MARCHF10: variants seen among roughly 807,000 people sequenced by gnomAD.
MARCHF10 encodes membrane associated ring-CH-type finger 10, also known as probable E3 ubiquitin-protein ligase MARCHF10.
MARCHF10 carries 64 observed loss-of-function variants against 76.2 expected under a neutral mutation model. The ratio of observed to expected loss-of-function variants is 0.84; its 90% CI spans 0.69 to 1.03. MARCHF10 has a LOEUF of 1.03. MARCHF10 is among the 50% of genes least tolerant of loss of function. The pLI is 0.00. For synonymous variants in MARCHF10, 340 were observed against 357.5 expected, an observed-to-expected ratio of 0.95 and a Z score of 0.55; for missense variants, 875 against 958.0, an observed-to-expected ratio of 0.91 and a Z score of 1.14.
rs751788498 is a variant in MARCHF10 at position 62,801,638 on chromosome 17, G to A, written c.90+8C>T. The A allele has an allele frequency of 3.7e-6, 6 of 1,611,508 alleles. No individual in the cohort carries two copies. The highest frequency in any genetic ancestry group is 4.2e-6 in the Non-Finnish European group (5 of 1,177,750). Reference sequence around the variant, plus strand: ...AGGCAGAAGACCATTCTTGCTTTCTGCAATTACCTGATACTCAGAGTCCAC... The same window carrying A: ...AGGCAGAAGACCATTCTTGCTTTCTACAATTACCTGATACTCAGAGTCCAC... On this transcript the variant is annotated splice_region_variant and intron_variant, in intron 2 of 10. Transcript: ENST00000311269.
chr17:62,749,179 C>A (rs2091811942), intron 4 of MARCHF10, among the ~76,000 whole-genome samples: 1 of 147,748 alleles, frequency 6.8e-6, no homozygotes, highest in Admixed American at 6.8e-5. Flanking sequence ...TGATTGTCGA[C>A]TGAAGACTTC....
intron 8 of MARCHF10, among the ~76,000 whole-genome samples, chr17:62,716,072 G>A (rs2090180049): frequency 6.6e-6 from 1 of 152,202 alleles, no homozygotes; most frequent in Non-Finnish European, 1.5e-5. Flanking sequence ...TCCTTCCGCT[G>A]TTAAACATCT....
chr17:62,744,660 A>G, intron 4 of MARCHF10, 132 bp from the exon 5 acceptor site: 1 of 883,500 alleles, frequency 1.1e-6, no homozygotes, highest in Non-Finnish European at 1.7e-6. Flanking sequence ...GAAGGGACCC[A>G]GGAGGTCACA....
intron 1 of MARCHF10, among the ~76,000 whole-genome samples, chr17:62,804,290 G>T (rs1282247314): frequency 6.6e-6 from 1 of 152,142 alleles, no homozygotes; most frequent in Non-Finnish European, 1.5e-5. Context: ...GCAGGGCTCT[G>T]GAGCTGACCG....
At chr17:62,705,299 G>C in intron 10 of MARCHF10, 30 of 1,446,766 alleles carry the variant, frequency 2.1e-5, no homozygotes, top group Non-Finnish European at 2.5e-5. Flanking sequence ...TCTTCCCTTT[G>C]TTGGCGCCTT....
intron 9 of MARCHF10, among the ~76,000 whole-genome samples, chr17:62,710,948 TG>T (rs1173275475): frequency 6.6e-6 from 1 of 152,126 alleles, no homozygotes; most frequent in African/African-American, 2.4e-5. Context: ...CCTCTATTTT[TG>T]GGGGGCAAAT....
At chr17:62,718,002 T>C (rs541677223) in intron 8 of MARCHF10, among the ~76,000 whole-genome samples, 1 of 152,276 alleles carries the variant, frequency 6.6e-6, no homozygotes, top group South Asian at 2.1e-4. Flanking sequence ...AGGCCAGTCA[T>C]TGGTGCACGT....
chr17:62,752,106 C>T (rs73992051), intron 4 of MARCHF10, among the ~76,000 whole-genome samples: 254 of 151,970 alleles, frequency 1.7e-3, no homozygotes, highest in African/African-American at 5.5e-3. Context: ...ACAGAGGATT[C>T]GAGTAAATAT....
chr17:62,778,501 C>T (rs905744056), intron 3 of MARCHF10, among the ~76,000 whole-genome samples: 3 of 151,902 alleles, frequency 2.0e-5, no homozygotes, highest in Admixed American at 6.6e-5. Flanking sequence ...GAGGCTGAGG[C>T]GGGTGGATCA....
intron 2 of MARCHF10, among the ~76,000 whole-genome samples, chr17:62,793,234 A>C (rs1042213398): frequency 4.2e-5 from 4 of 95,586 alleles, no homozygotes; most frequent in Non-Finnish European, 6.3e-5. Context: ...TGCCACCACC[A>C]CCTCCACCAC....
rs1419196094 is a variant in MARCHF10 at position 62,753,153 on chromosome 17, G to C, written c.382+6682C>G. On this transcript the variant is annotated intron_variant, in intron 4 of 10. Coordinates refer to ENST00000311269, the MANE Select transcript of MARCHF10 (RefSeq NM_152598.4). Reference sequence around the variant, plus strand: ...CTTGCTCTGTCGCCCAGGCTGGAGTGTGGAGTGCAGTCACGTGATCTCAGC... The same window carrying C: ...CTTGCTCTGTCGCCCAGGCTGGAGTCTGGAGTGCAGTCACGTGATCTCAGC... Among the ~76,000 whole-genome samples the C allele has an allele frequency of 2.2e-4, 33 of 152,270 alleles. 1 individual carries two copies. The East Asian group carries it at 6.4e-3, about 29-fold the overall frequency.
intron 1 of MARCHF10, among the ~76,000 whole-genome samples, chr17:62,802,824 C>A (rs2093098757): frequency 6.6e-6 from 1 of 152,098 alleles, no homozygotes; most frequent in Non-Finnish European, 1.5e-5. Flanking sequence ...AAGGAACAGC[C>A]CCGGAAGGGC....
intron 4 of MARCHF10, among the ~76,000 whole-genome samples, chr17:62,749,571 C>T (rs2091826436): frequency 6.6e-6 from 1 of 152,194 alleles, no homozygotes; most frequent in Non-Finnish European, 1.5e-5. Context: ...TAGGTCGCGT[C>T]TATTTGCCTA....
intron 5 of MARCHF10, among the ~76,000 whole-genome samples, chr17:62,744,007 C>T (rs1599186828): frequency 6.6e-6 from 1 of 152,130 alleles, no homozygotes; most frequent in Non-Finnish European, 1.5e-5. Flanking sequence ...AGTTGCAGAT[C>T]CGCTTCTCTG....
rs774170326 is a variant in MARCHF10, at chr17:62,738,146, CATT to C, written c.536-817_536-815del. ...TGAAATAGGTAACACAATCATACGA[CATT>C]ATAACTTGAGAGTACCAAGGCTTAG... is the stretch of plus-strand genomic sequence containing the variant. On this transcript the variant is annotated intron_variant, in intron 5 of 10. Transcript: ENST00000311269. This position sits in a 1 kb window ranked among gnomAD's most constrained non-coding sequence, Gnocchi z 4.0. Among the ~76,000 whole-genome samples the C allele has an allele frequency of 1.3e-5, 2 of 148,878 alleles. No individual in the cohort carries two copies. Among genetic ancestry groups the C allele is most frequent in the Non-Finnish European group, 3.0e-5 (2 of 67,580 alleles).
At chr17:62,793,224 TGC>T (rs2092905805) in intron 2 of MARCHF10, among the ~76,000 whole-genome samples, 3 of 22,816 alleles carry the variant, frequency 1.3e-4, no homozygotes, top group Non-Finnish European at 1.9e-4. Context: ...CCACCTCCAC[TGC>T]CACCACCACC....
intron 2 of MARCHF10, among the ~76,000 whole-genome samples, chr17:62,792,568 T>TCAC (rs1367743645): frequency 8.4e-6 from 1 of 119,626 alleles, no homozygotes; most frequent in African/African-American, 3.2e-5. Context: ...ACCACCTCCA[T>TCAC]CACCACCACA....
intron 1 of MARCHF10, among the ~76,000 whole-genome samples, chr17:62,803,839 C>T (rs1450526333): frequency 6.6e-6 from 1 of 152,152 alleles, no homozygotes; most frequent in Non-Finnish European, 1.5e-5. Flanking sequence ...TACCGACCCT[C>T]TGGAAGGGAT....
intron 8 of MARCHF10, among the ~76,000 whole-genome samples, chr17:62,719,180 C>A (rs1302034246): frequency 4.6e-5 from 7 of 152,122 alleles, no homozygotes; most frequent in Non-Finnish European, 7.4e-5. Context: ...GATACAAACA[C>A]AAATCACAGA....
Sources: allele counts gnomAD v4.1 joint callset (sites outside exome capture counted in the v4.1 genomes callset), GRCh38; gene constraint gnomAD v4.1.1; non-coding constraint Gnocchi (gnomAD v3.1); transcripts MANE v1.5; gene names NCBI Gene and HGNC (gene_info 2026-07-23, HGNC 2026-07-21).